LUZP2: variants seen among roughly 807,000 people sequenced by gnomAD.
LUZP2 encodes the protein leucine zipper protein 2.
In LUZP2, 52 loss-of-function variants were observed where a neutral mutation model predicts 51.6. That is an observed-to-expected ratio of 1.01 (90% confidence interval 0.81 to 1.27). The LOEUF (loss-of-function observed/expected upper bound fraction) is 1.27, where lower values mean the gene tolerates loss of function less well. Ranked by LOEUF, LUZP2 falls within the 50% of genes most tolerant of loss-of-function variation. The pLI is 0.00. For synonymous variants in LUZP2, 154 were observed against 137.3 expected (o/e 1.12, Z -0.85); for missense variants, 436 against 395.4 (o/e 1.10, Z -0.87).
At chr11:24,761,966 A>G (rs1859996699) in intron 4 of LUZP2, among the ~76,000 whole-genome samples, 1 of 152,006 alleles carries the variant, frequency 6.6e-6, no homozygotes, top group Admixed American at 6.6e-5. Context: ...AAGGAATAGA[A>G]GTTAGCTGAA....
intron 6 of LUZP2, among the ~76,000 whole-genome samples, chr11:24,912,836 G>T (rs1853679005): frequency 6.6e-6 from 1 of 152,018 alleles, no homozygotes; most frequent in African/African-American, 2.4e-5. Flanking sequence ...GAATATTATA[G>T]AAAACTGAAT....
chr11:24,905,564 A>C (rs1853422567), intron 5 of LUZP2, among the ~76,000 whole-genome samples: 1 of 152,124 alleles, frequency 6.6e-6, no homozygotes, highest in Non-Finnish European at 1.5e-5. Flanking sequence ...ATCAGAGTTA[A>C]ACTGCGCTCT....
intron 1 of LUZP2, among the ~76,000 whole-genome samples, chr11:24,661,769 G>A (rs761294464): frequency 1.2e-4 from 19 of 152,120 alleles, no homozygotes; most frequent in East Asian, 7.7e-4. Context: ...GTAACTATTC[G>A]TGAACCTAGG....
chr11:24,838,302 A>T (rs1850917146), intron 5 of LUZP2, among the ~76,000 whole-genome samples: 1 of 151,678 alleles, frequency 6.6e-6, no homozygotes, highest in Non-Finnish European at 1.5e-5. Flanking sequence ...AAATATTCAT[A>T]TACATTCTCT....
intron 1 of LUZP2, among the ~76,000 whole-genome samples, chr11:24,540,982 G>T (rs1417080367): frequency 2.6e-5 from 4 of 152,038 alleles, no homozygotes; most frequent in Non-Finnish European, 4.4e-5. Flanking sequence ...GCTGGCCATG[G>T]TAGTTCACCT....
intron 5 of LUZP2, among the ~76,000 whole-genome samples, chr11:24,838,493 A>G (rs767508987): frequency 2.0e-5 from 3 of 151,628 alleles, no homozygotes; most frequent in Non-Finnish European, 4.4e-5. Flanking sequence ...CTCTCTGCAT[A>G]TATCGATTAT....
chr11:24,651,012 T>A (rs1855607733), intron 1 of LUZP2, among the ~76,000 whole-genome samples: 1 of 152,132 alleles, frequency 6.6e-6, no homozygotes, highest in Non-Finnish European at 1.5e-5. Context: ...CTTCTTCTTG[T>A]CATACACCAG....
rs553952477 is a variant in LUZP2 at position 25,055,071 on chromosome 11, C to T, written c.858+4941C>T. 2.0e-3 allele frequency among the ~76,000 whole-genome samples: 284 copies of T among 145,042 alleles called. 1 individual carries two copies. Among genetic ancestry groups the T allele is most frequent in the African/African-American group, 6.6e-3 (253 of 38,624 alleles). The stretch of plus-strand genomic sequence containing the variant: ...GTGTCACCAGGCTGGAGTGCCCTGG[C>T]GCGATCTCGGCTCACTGCAACCTCT... On this transcript the variant is annotated intron_variant, in intron 10 of 11. Transcript: ENST00000336930.
chr11:24,615,187 A>T (rs1164401971), intron 1 of LUZP2, among the ~76,000 whole-genome samples: 1 of 151,974 alleles, frequency 6.6e-6, no homozygotes, highest in Non-Finnish European at 1.5e-5. Flanking sequence ...TTTCTCTAAT[A>T]ATGACATTTC....
At chr11:24,526,936 C>T (rs2133814424) in intron 1 of LUZP2, among the ~76,000 whole-genome samples, 1 of 151,498 alleles carries the variant, frequency 6.6e-6, no homozygotes, top group South Asian at 2.1e-4. Flanking sequence ...GGGTCTTAAA[C>T]ATGAACTATC....
chr11:24,576,206 T>G (rs1590199966), intron 1 of LUZP2, among the ~76,000 whole-genome samples: 1 of 150,882 alleles, frequency 6.6e-6, no homozygotes, highest in Non-Finnish European at 1.5e-5. Flanking sequence ...AGGTCAGGAG[T>G]TCGAGAGCAG....
At chr11:24,923,422 C>T (rs908179683) in intron 7 of LUZP2, among the ~76,000 whole-genome samples, 13 of 151,906 alleles carry the variant, frequency 8.6e-5, no homozygotes, top group Non-Finnish European at 1.5e-4. Flanking sequence ...TTCGGCTGGG[C>T]GCGGTGTCTC....
chr11:25,069,402 A>G (rs1451217253), intron 10 of LUZP2, among the ~76,000 whole-genome samples: 2 of 151,918 alleles, frequency 1.3e-5, no homozygotes, highest in African/African-American at 4.8e-5. Context: ...CATCAAATCA[A>G]TTTCAGCATC....
At chr11:25,032,053 G>C (rs1857705949) in intron 9 of LUZP2, among the ~76,000 whole-genome samples, 1 of 152,106 alleles carries the variant, frequency 6.6e-6, no homozygotes, top group Admixed American at 6.6e-5. Flanking sequence ...ACAGCATAGA[G>C]GGTTACAATG....
At chr11:24,831,541 T>C (rs7945860) in intron 5 of LUZP2, among the ~76,000 whole-genome samples, 88,274 of 151,522 alleles carry the variant, frequency 0.58, 27,196 homozygotes, top group Middle Eastern at 0.68. Flanking sequence ...ATGTATGAAA[T>C]ATATTATGAA....
At position 25,078,592 on chromosome 11, in the gene LUZP2, A is replaced by T. The variant is rs777080312; in HGVS notation, c.975A>T (p.Lys325Asn). The change falls in exon 12 of 12, where the codon AAA (lysine) becomes AAT (asparagine). Residue 325 changes from lysine (K) to asparagine (N), a missense_variant. Transcript: ENST00000336930. ...CTCCTTGCTCTGAATGTGAGGTGAA[A>T]AAAGCCCCAGAAAAACCATTGACCA... ...QMPPCSECEV[K>N]KAPEKPLTSF... 6.2e-7 allele frequency: 1 copy of T among 1,612,756 alleles called. No homozygotes were observed.
intron 7 of LUZP2, among the ~76,000 whole-genome samples, chr11:24,945,214 C>T (rs934928108): frequency 2.6e-5 from 4 of 152,060 alleles, no homozygotes; most frequent in African/African-American, 9.7e-5. Flanking sequence ...CTGCTGTTTT[C>T]ATAATGGCAA....
intron 1 of LUZP2, among the ~76,000 whole-genome samples, chr11:24,566,336 T>A (rs374431380): frequency 0.78 from 110,332 of 141,828 alleles, 43,438 homozygotes; most frequent in Non-Finnish European, 0.83. Context: ...ATTTTTTTTT[T>A]TTTTTTTTTT....
chr11:24,899,174 AC>A (rs1853188195), intron 5 of LUZP2, among the ~76,000 whole-genome samples: 2 of 152,124 alleles, frequency 1.3e-5, no homozygotes, highest in South Asian at 2.1e-4. Context: ...CATCAGGGAT[AC>A]CTTTTTTGAT....
Sources: allele counts gnomAD v4.1 joint callset (sites outside exome capture counted in the v4.1 genomes callset), GRCh38; gene constraint gnomAD v4.1.1; transcripts MANE v1.5; gene names NCBI Gene and HGNC (gene_info 2026-07-23, HGNC 2026-07-21).